Variants in WDR47 observed in about 807,000 individuals in gnomAD.
The protein encoded by WDR47 is WD repeat domain 47.
A neutral mutation model predicts 97.2 loss-of-function variants in WDR47; 32 were observed. The observed-to-expected ratio is 0.33, with a 90% CI of 0.25 to 0.44. The LOEUF (loss-of-function observed/expected upper bound fraction) is 0.44. WDR47 is among the 20% of genes least tolerant of loss of function. WDR47 has a pLI of 1.00. For synonymous variants in WDR47, 375 were observed against 373.5 expected (o/e 1.00, Z -0.05); for missense variants, 782 against 1,102.3 (o/e 0.71, Z 4.11).
In WDR47 at chr1:109,008,671, G is replaced by A. The variant is rs544774533; in HGVS notation, c.1130+2245C>T. ...TGCCCAGGCTGGAGTGCAGTGGTGC[G>A]ATCTAGGCTGACTGCAACCTCCACT... On this transcript the variant is annotated intron_variant, in intron 5 of 14. Transcript: ENST00000369962. Among the ~76,000 whole-genome samples, 376 of 152,074 alleles carry A rather than the reference G, an allele frequency of 2.5e-3. 1 individual carries two copies. The highest frequency in any genetic ancestry group is 8.5e-3 in the African/African-American group (354 of 41,508).
intron 1 of WDR47, among the ~76,000 whole-genome samples, chr1:109,026,360 T>TTC (rs2102011647): frequency 6.6e-6 from 1 of 152,182 alleles, no homozygotes; most frequent in East Asian, 1.9e-4. Context: ...TTTTTTTTTT[T>TTC]TTCAGGTTAT....
At position 109,041,849 on chromosome 1, in the gene WDR47, C is replaced by A. The variant is rs1163751125; in HGVS notation, c.-10+13G>T. ...GCGGACCGACCCAGCCTCCGACTCC[C>A]GGAGTCACCCACCTGAGGGCTCCAG... On this transcript the variant is annotated intron_variant, in intron 1 of 14. Transcript: ENST00000369962. The A allele has an allele frequency of 6.6e-6, 1 of 152,282 alleles. No individual in the cohort carries two copies. Among genetic ancestry groups the A allele is most frequent in the East Asian group, 1.9e-4 (1 of 5,174 alleles). 9.4% of individuals were successfully genotyped at this position (152,282 alleles called of 1,614,324 possible). A position where few individuals can be genotyped will look rare whatever the true frequency, so the allele number is the denominator to read the frequency against.
At chr1:109,039,979 T>C (rs1571275645) in intron 1 of WDR47, among the ~76,000 whole-genome samples, 1 of 139,348 alleles carries the variant, frequency 7.2e-6, no homozygotes, top group South Asian at 2.2e-4. Context: ...GAGGCTGCAG[T>C]GAGCCGAGAT....
At chr1:109,000,477 T>A (rs189498338) in intron 7 of WDR47, among the ~76,000 whole-genome samples, 6,197 of 120,508 alleles carry the variant, frequency 0.051, 186 homozygotes, top group Middle Eastern at 0.073. Flanking sequence ...CCACTGCACT[T>A]CAGCCTGGGC....
rs1032435373 is a variant in WDR47 at position 108,991,250 on chromosome 1, T to C, written c.1767+4A>G. On this transcript the variant is annotated splice_donor_region_variant and intron_variant, in intron 9 of 14. Transcript: ENST00000369962. Reference sequence around the variant, plus strand: ...CAATAAAACTTCCTTCCCCAAAGTATTACCTCTTCCCCTTTCGACCTTGAA... The same window carrying C: ...CAATAAAACTTCCTTCCCCAAAGTACTACCTCTTCCCCTTTCGACCTTGAA... 3 of 1,610,410 alleles carry C rather than the reference T, an allele frequency of 1.9e-6. No individual in the cohort carries two copies. The highest frequency in any genetic ancestry group is 2.5e-6 in the Non-Finnish European group (3 of 1,178,088).
intron 4 of WDR47, among the ~76,000 whole-genome samples, chr1:109,012,055 A>C (rs1382990475): frequency 6.6e-6 from 1 of 152,146 alleles, no homozygotes; most frequent in Non-Finnish European, 1.5e-5. Context: ...CTTGGGCTCA[A>C]GTGATCCCCA....
intron 13 of WDR47, among the ~76,000 whole-genome samples, chr1:108,975,395 G>A (rs776416207): frequency 3.3e-4 from 50 of 151,910 alleles, no homozygotes; most frequent in Non-Finnish European, 7.1e-4. Flanking sequence ...GACCGAGGCA[G>A]GTGGCTCACA....
At chr1:108,977,809 C>T (rs1162646624) in intron 13 of WDR47, among the ~76,000 whole-genome samples, 1 of 152,004 alleles carries the variant, frequency 6.6e-6, no homozygotes, top group Non-Finnish European at 1.5e-5. Context: ...GCCTGGGCGA[C>T]AAAGTAAGAT....
At chr1:108,976,715 G>A (rs1366259138) in intron 13 of WDR47, among the ~76,000 whole-genome samples, 6 of 152,138 alleles carry the variant, frequency 3.9e-5, no homozygotes, top group African/African-American at 1.2e-4. Flanking sequence ...GGCCTCTCTG[G>A]CTAGGTGGCA....
intron 13 of WDR47, 69 bp downstream of exon 13, chr1:108,981,664 G>A (rs773443621): frequency 6.5e-5 from 93 of 1,439,476 alleles, no homozygotes; most frequent in Admixed American, 2.3e-4. Flanking sequence ...ATATTGCAGG[G>A]GAGAAGAAGT....
intron 13 of WDR47, among the ~76,000 whole-genome samples, chr1:108,981,174 A>G (rs1415188581): frequency 6.6e-6 from 1 of 151,960 alleles, no homozygotes; most frequent in East Asian, 1.9e-4. Flanking sequence ...AGAACAGTAC[A>G]TGGAACAATC....
chr1:109,014,184 C>T (rs1170183189), intron 3 of WDR47, among the ~76,000 whole-genome samples: 1 of 151,968 alleles, frequency 6.6e-6, no homozygotes, highest in Non-Finnish European at 1.5e-5. Flanking sequence ...AATATTAAAT[C>T]AAGTCTTATA....
chr1:108,986,815 ATTCTT>A (rs1039238456), intron 9 of WDR47, 135 bp from the exon 10 acceptor site: 6 of 720,880 alleles, frequency 8.3e-6, no homozygotes, highest in Admixed American at 6.3e-5. Context: ...ATAACCATAT[ATTCTT>A]TTCTCTATGT....
intron 13 of WDR47, among the ~76,000 whole-genome samples, chr1:108,978,492 G>GC (rs1399686788): frequency 4.2e-5 from 4 of 96,098 alleles, no homozygotes; most frequent in African/African-American, 1.2e-4. Context: ...CGTCTCAAAA[G>GC]CAAAAAAAAA....
intron 13 of WDR47, among the ~76,000 whole-genome samples, chr1:108,980,029 C>T (rs566388932): frequency 7.6e-4 from 115 of 152,118 alleles, no homozygotes; most frequent in Non-Finnish European, 9.3e-4. Context: ...CTGTGAACTG[C>T]ACATGTAAGG....
chr1:109,004,612 C>A lies in WDR47; in HGVS notation c.1234G>T (p.Ala412Ser), dbSNP rs1478797704. The A allele has an allele frequency of 6.2e-7, 1 of 1,610,848 alleles. No homozygotes were observed. Among genetic ancestry groups the A allele is most frequent in the Admixed American group, 1.7e-5 (1 of 59,390 alleles). ...PANGAQNPGP[A>S]KQEKNELRDS... The stretch of plus-strand genomic sequence containing the variant: ...ATTACCTCATTTTTTTCTTGTTTAG[C>A]TGGTCCTGGATTCTGTGCTCCATTT... Residue 412 changes from alanine (A) to serine (S), a missense_variant, in exon 6 of 15, where the codon GCT becomes TCT. Physicochemically the swap from Ala to Ser is moderately conservative, Grantham distance 99. Coordinates refer to ENST00000369962, the MANE Select transcript of WDR47 (RefSeq NM_001142551.2).
At chr1:109,023,609 C>G in intron 1 of WDR47, 88 bp from the exon 2 acceptor site, 1 of 1,351,760 alleles carries the variant, frequency 7.4e-7, no homozygotes, top group Non-Finnish European at 1.0e-6. Flanking sequence ...AACAGGTTTA[C>G]TGGGAATCTT....
Position 108,982,693 on chromosome 1 carries a change from T to G in WDR47, c.2182A>C (p.Ile728Leu), listed in dbSNP as rs760240580. 4.3e-6 allele frequency: 7 copies of G among 1,614,160 alleles called. No homozygotes were observed. The highest frequency in any genetic ancestry group is 5.9e-6 in the Non-Finnish European group (7 of 1,180,010). Residue 728 changes from isoleucine (I) to leucine (L), a missense_variant, in exon 12 of 15, where the codon ATA becomes CTA. Physicochemically the swap from Ile to Leu is conservative, Grantham distance 5. This residue lies in a region of WDR47 where 228 missense variants were observed against 396.7 expected (regional missense o/e 0.57). Transcript: ENST00000369962. The part of the protein sequence containing the change: ...EGPESGGAIL[I>L]SAGAGDCNIY... ...TTACAATCCCCTGCTCCAGCACTTA[T>G]TAAAATAGCTCCTCCGCTTTCTGGG...
At chr1:109,001,413 A>T (rs1234720344) in intron 7 of WDR47, among the ~76,000 whole-genome samples, 3 of 152,220 alleles carry the variant, frequency 2.0e-5, no homozygotes, top group African/African-American at 7.2e-5. Context: ...TTTGGCGGAA[A>T]TTATAAAAAT....
Sources: allele counts gnomAD v4.1 joint callset (sites outside exome capture counted in the v4.1 genomes callset), GRCh38; gene constraint gnomAD v4.1.1; regional missense constraint gnomAD v4.1.1; transcripts MANE v1.5; gene names NCBI Gene and HGNC (gene_info 2026-07-23, HGNC 2026-07-21).